ARHGEF10: variants seen among roughly 807,000 people sequenced by gnomAD.
The protein encoded by ARHGEF10 is Rho guanine nucleotide exchange factor 10, also known as Rho guanine nucleotide exchange factor (GEF) 10.
In ARHGEF10, 140 loss-of-function variants were observed where a neutral mutation model predicts 147.4. That is an observed-to-expected ratio of 0.95 (90% CI 0.83 to 1.09). ARHGEF10 has a LOEUF of 1.09. Ranked by LOEUF, ARHGEF10 falls within the 50% of genes least tolerant of loss-of-function variation. The pLI is 0.00. For synonymous variants in ARHGEF10, 902 were observed against 695.8 expected (o/e 1.30, Z -4.67); for missense variants, 2,222 against 1,752.7 (o/e 1.27, Z -4.78).
intron 18 of ARHGEF10, among the ~76,000 whole-genome samples, chr8:1,921,719 G>T (rs1217952009): frequency 6.7e-6 from 1 of 148,660 alleles, no homozygotes; most frequent in Non-Finnish European, 1.5e-5. Context: ...TGGGGGACAA[G>T]AGCGACACTT....
intron 2 of ARHGEF10, among the ~76,000 whole-genome samples, chr8:1,857,756 G>T (rs536934316): frequency 6.6e-6 from 1 of 152,050 alleles, no homozygotes; most frequent in South Asian, 2.1e-4. Context: ...CCTATTAAAA[G>T]AAAATAAAAA....
At chr8:1,883,697 T>A (rs951933254) in intron 10 of ARHGEF10, among the ~76,000 whole-genome samples, 2 of 152,068 alleles carry the variant, frequency 1.3e-5, no homozygotes, top group African/African-American at 4.8e-5. Context: ...TCTAATAAAA[T>A]GTGCAGTAGT....
At chr8:1,893,901 C>T (rs954830848) in intron 12 of ARHGEF10, among the ~76,000 whole-genome samples, 6 of 152,000 alleles carry the variant, frequency 3.9e-5, no homozygotes, top group African/African-American at 7.3e-5. Flanking sequence ...GGGCCAGGCT[C>T]GGTGGCTCAC....
In ARHGEF10 at chr8:1,878,664, G is replaced by A. The variant is rs141729240; in HGVS notation, c.844-1384G>A. Among the ~76,000 whole-genome samples, 24 of 152,262 alleles carry A rather than the reference G, an allele frequency of 1.6e-4. No homozygotes were observed. The East Asian group carries it at 3.7e-3, about 23-fold the overall frequency. Reference sequence around the variant, plus strand: ...CTCTTCAGTTTCGCCTTCATGGTGGGCTGTGGACAGAGGGGCCAGGCCACT... The same window carrying A: ...CTCTTCAGTTTCGCCTTCATGGTGGACTGTGGACAGAGGGGCCAGGCCACT... On this transcript the variant is annotated intron_variant, in intron 8 of 28. Transcript: ENST00000349830.
rs184498141 is a variant in ARHGEF10, at chr8:1,940,985, G to A, written c.3223-4496G>A. Among the ~76,000 whole-genome samples, 239 of 152,260 alleles carry A rather than the reference G, an allele frequency of 1.6e-3. 1 individual carries two copies. Among genetic ancestry groups the A allele is most frequent in the Middle Eastern group, 0.01 (3 of 294 alleles). On this transcript the variant is annotated intron_variant, in intron 26 of 28. Transcript: ENST00000349830. ...GGTGATTTTTCCTCAACCTGCCAAA[G>A]GACATCTATAAAACACTCACAGCTA...
At chr8:1,846,205 G>A (rs984932933) in intron 2 of ARHGEF10, among the ~76,000 whole-genome samples, 1 of 152,254 alleles carries the variant, frequency 6.6e-6, no homozygotes, top group South Asian at 2.1e-4. Flanking sequence ...GGTTGGGAGC[G>A]AGGCCCCTGC....
In ARHGEF10 at chr8:1,872,209, AACTAT is replaced by A. The variant is rs201018529; in HGVS notation, c.679+2962_679+2966del. On this transcript the variant is annotated intron_variant, in intron 7 of 28. Coordinates refer to ENST00000349830, the MANE Select transcript of ARHGEF10 (RefSeq NM_014629.4). ...AAATTAAAAATTGCCTTGAAGAATC[AACTAT>A]ACCCAAAATAAAAACCATGAATAAA... Among the ~76,000 whole-genome samples the A allele has an allele frequency of 6.8e-4, 103 of 152,348 alleles. 1 individual carries two copies. The East Asian group carries it at 0.019, about 28-fold the overall frequency.
In ARHGEF10 at chr8:1,893,644, G is replaced by C; in HGVS notation, c.1258G>C (p.Glu420Gln). 1 of 1,608,766 alleles carries C rather than the reference G, an allele frequency of 6.2e-7. No homozygotes were observed. The highest frequency in any genetic ancestry group is 8.5e-7 in the Non-Finnish European group (1 of 1,175,316). The change falls in exon 12 of 29, where the codon GAG (glutamate) becomes CAG (glutamine). Residue 420 changes from glutamate (E) to glutamine (Q), a missense_variant and splice_region_variant. Transcript: ENST00000349830. ...NYVDALKRIL[E>Q]QYEKPLSEME... ...CGTAGATGCTCTTAAGAGGATTTTG[G>C]AGGTACTTAAGTGTCGTGTTACATA...
Position 1,864,386 on chromosome 8 carries a change from C to A in ARHGEF10, c.495C>A (p.Val165=). Residue 165 remains valine, a synonymous_variant, in exon 5 of 29, where the codon GTC becomes GTA. Coordinates refer to ENST00000349830, the MANE Select transcript of ARHGEF10 (RefSeq NM_014629.4). ...CTTTCCCAGCAGAAACACCAGAAGTCACAGAAGATCGCCAGCCCAATTCTC... is the reference window on the plus strand; with the variant it reads ...CTTTCCCAGCAGAAACACCAGAAGTAACAGAAGATCGCCAGCCCAATTCTC... ...TSLDEEETPE[V]TEDRQPNSLS... is the part of the protein sequence containing the mutation. 6.2e-7 allele frequency: 1 copy of A among 1,614,132 alleles called. No homozygotes were observed. Among genetic ancestry groups the A allele is most frequent in the Non-Finnish European group, 8.5e-7 (1 of 1,180,026 alleles).
chr8:1,911,567 A>G (rs1811356474), intron 18 of ARHGEF10, among the ~76,000 whole-genome samples: 1 of 152,300 alleles, frequency 6.6e-6, no homozygotes, highest in South Asian at 2.1e-4. Flanking sequence ...GCTGTCTTGC[A>G]TTTACAGAGA....
At chr8:1,885,576 C>G in intron 10 of ARHGEF10, 25 bp from the exon 11 acceptor site, 1 of 1,488,848 alleles carries the variant, frequency 6.7e-7, no homozygotes, top group African/African-American at 1.4e-5. Context: ...ATGTAAAATT[C>G]ATGCATTTTG....
At chr8:1,834,026 C>T (rs1468571532) in intron 1 of ARHGEF10, among the ~76,000 whole-genome samples, 2 of 152,216 alleles carry the variant, frequency 1.3e-5, no homozygotes, top group African/African-American at 4.8e-5. Flanking sequence ...GAAGGGTAAG[C>T]AGGGCTGGGC....
chr8:1,923,007 A>G lies in ARHGEF10; in HGVS notation c.2187A>G (p.Gln729=). 6.2e-7 allele frequency: 1 copy of G among 1,613,812 alleles called. No individual in the cohort carries two copies. The highest frequency in any genetic ancestry group is 8.5e-7 in the Non-Finnish European group (1 of 1,179,966). The stretch of plus-strand genomic sequence containing the variant: ...CAGGACAACTGTATCAAGATTTACA[A>G]AACTTGTTGCATGACTTAAATGTAA... ...MGPGQLYQDL[Q]NLLHDLNVIG... is the part of the protein sequence containing the mutation. The change falls in exon 19 of 29, where the codon CAA becomes CAG. Residue 729 remains glutamine, a synonymous_variant. Transcript: ENST00000349830.
chr8:1,935,506 G>T (rs1291563942), intron 26 of ARHGEF10, among the ~76,000 whole-genome samples: 1 of 152,198 alleles, frequency 6.6e-6, no homozygotes, highest in Admixed American at 6.5e-5. Flanking sequence ...CATTTCTTCA[G>T]ATTGACAGAA....
At chr8:1,914,046 C>G (rs1811573416) in intron 18 of ARHGEF10, among the ~76,000 whole-genome samples, 1 of 152,146 alleles carries the variant, frequency 6.6e-6, no homozygotes, top group Non-Finnish European at 1.5e-5. Context: ...ACAAAATTCA[C>G]ACGGTTTTAA....
At chr8:1,882,528 G>A (rs911047063) in intron 9 of ARHGEF10, 107 bp from the exon 10 acceptor site, 5 of 950,742 alleles carry the variant, frequency 5.3e-6, no homozygotes, top group Admixed American at 4.0e-5. Flanking sequence ...TGACACATGC[G>A]CTCACAAGAA....
intron 4 of ARHGEF10, 33 bp downstream of exon 4, chr8:1,860,217 T>A: frequency 9.4e-6 from 15 of 1,602,156 alleles, no homozygotes; most frequent in Non-Finnish European, 1.3e-5. Context: ...GCCCCCGAAG[T>A]GGCCTGTGGT....
intron 2 of ARHGEF10, 121 bp downstream of exon 2, chr8:1,843,557 C>T: frequency 1.3e-6 from 1 of 794,984 alleles, no homozygotes. Flanking sequence ...GTGAGAGCTT[C>T]TTGGGAGAAA....
At chr8:1,956,690 T>C in intron 28 of ARHGEF10, 59 bp from the exon 29 acceptor site, 3 of 1,609,372 alleles carry the variant, frequency 1.9e-6, no homozygotes, top group Non-Finnish European at 2.5e-6. Context: ...ACTTTTTGCT[T>C]CCTTGTCTCA....
Sources: gnomAD v4.1 joint callset for allele counts (sites outside exome capture counted in the v4.1 genomes callset) on GRCh38, gnomAD v4.1.1 for gene constraint, MANE v1.5 for transcripts, NCBI Gene and HGNC (gene_info 2026-07-23, HGNC 2026-07-21) for gene names.